The following GRIK4 variants were observed in gnomAD, a reference collection of about 807,000 sequenced individuals.
GRIK4 encodes glutamate receptor ionotropic, kainate 4.
Under a neutral mutation model 104.9 loss-of-function variants are expected in GRIK4, and 40 were observed. The ratio of observed to expected loss-of-function variants is 0.38; its 90% CI spans 0.30 to 0.50. The LOEUF is 0.50. GRIK4 is among the 20% of genes least tolerant of loss of function. GRIK4 has a pLI of 0.93. For synonymous variants in GRIK4, 485 were observed against 524.9 expected (o/e 0.92, Z 1.04); for missense variants, 1,047 against 1,308.1 (o/e 0.80, Z 3.08).
At chr11:120,569,552 G>A (rs1948371620) in intron 1 of GRIK4, among the ~76,000 whole-genome samples, 2 of 152,110 alleles carry the variant, frequency 1.3e-5, no homozygotes, top group Admixed American at 6.5e-5. Flanking sequence ...TCTATATATG[G>A]GTATTCCCTT....
At position 120,660,231 on chromosome 11, in the gene GRIK4, G is replaced by A. The variant is rs1337840509; in HGVS notation, c.-50-38G>A. The A allele has an allele frequency of 3.3e-6, 3 of 897,962 alleles. No individual in the cohort carries two copies. In the African/African-American group the frequency reaches 4.9e-5, roughly 15 times the overall value. The allele number at this position is 897,962 out of a possible 1,614,324, so 55.6% of individuals were successfully genotyped here. ...ATGGTGGGGCAGCTGCCTAGCTGGAGCCTGGGACTCACGTGCCCCCAACCC... is the reference window on the plus strand; with the variant it reads ...ATGGTGGGGCAGCTGCCTAGCTGGAACCTGGGACTCACGTGCCCCCAACCC... On this transcript the variant is annotated intron_variant, in intron 2 of 20. Transcript: ENST00000527524.
At position 120,602,998 on chromosome 11, in the gene GRIK4, C is replaced by T. The variant is rs545015609; in HGVS notation, c.-158-50687C>T. ...GATTACAGGCATGAGCCACCATACCCGGCCAGTGTCTTATTAATATTAGAG... is the reference window on the plus strand; with the variant it reads ...GATTACAGGCATGAGCCACCATACCTGGCCAGTGTCTTATTAATATTAGAG... On this transcript the variant is annotated intron_variant, in intron 1 of 20. Coordinates refer to ENST00000527524, the MANE Select transcript of GRIK4 (RefSeq NM_014619.5). Among the ~76,000 whole-genome samples the T allele has an allele frequency of 9.2e-5, 14 of 152,342 alleles. No individual in the cohort carries two copies. The East Asian group carries it at 1.5e-3, about 17-fold the overall frequency.
At chr11:120,714,517 G>A (rs186445621) in intron 3 of GRIK4, among the ~76,000 whole-genome samples, 101 of 152,280 alleles carry the variant, frequency 6.6e-4, no homozygotes, top group Admixed American at 4.1e-3. Flanking sequence ...CTTAAATCTC[G>A]TGGAGGTTAG....
At position 120,556,468 on chromosome 11, in the gene GRIK4, C is replaced by T. The variant is rs573405488; in HGVS notation, c.-159+44581C>T. ...TCGCAAGGATAACTCCACATGCATC[C>T]GGGAGGCAGCACCTACCTGCCCTCC... On this transcript the variant is annotated intron_variant, in intron 1 of 20. Transcript: ENST00000527524. Among the ~76,000 whole-genome samples, 16 of 152,216 alleles carry T rather than the reference C, an allele frequency of 1.1e-4. No homozygotes were observed. In the East Asian group the frequency reaches 3.1e-3, roughly 29 times the overall value.
intron 1 of GRIK4, among the ~76,000 whole-genome samples, chr11:120,520,972 G>A (rs769030098): frequency 6.6e-6 from 1 of 152,170 alleles, no homozygotes; most frequent in Non-Finnish European, 1.5e-5. Context: ...AGTGGGTTTG[G>A]GCGGGGCACG....
intron 18 of GRIK4, among the ~76,000 whole-genome samples, chr11:120,966,175 G>A (rs989991773): frequency 2.6e-5 from 4 of 152,070 alleles, no homozygotes; most frequent in African/African-American, 4.8e-5. Context: ...AGGAGGGAAG[G>A]AGGACTGGGA....
chr11:120,815,231 G>T, intron 4 of GRIK4, 147 bp from the exon 5 acceptor site: 1 of 584,804 alleles, frequency 1.7e-6, no homozygotes, highest in Non-Finnish European at 3.0e-6. Flanking sequence ...GAGAGACTCT[G>T]GGTTTCGAAG....
chr11:120,926,851 A>G (rs1943357026), intron 13 of GRIK4, among the ~76,000 whole-genome samples: 1 of 152,228 alleles, frequency 6.6e-6, no homozygotes, highest in Admixed American at 6.5e-5. Context: ...GTAAATAAAC[A>G]AGACAATTTC....
intron 1 of GRIK4, among the ~76,000 whole-genome samples, chr11:120,640,245 CAG>C (rs1248712296): frequency 3.9e-5 from 6 of 152,196 alleles, no homozygotes; most frequent in South Asian, 2.1e-4. Context: ...ATAGTAGTAA[CAG>C]GGGTCATTTT....
In GRIK4 at chr11:120,683,635, C is replaced by T. The variant is rs1309851419; in HGVS notation, c.82+23235C>T. 2.6e-5 allele frequency among the ~76,000 whole-genome samples: 4 copies of T among 152,248 alleles called. No individual in the cohort carries two copies. The East Asian group carries it at 7.7e-4, about 29-fold the overall frequency. On this transcript the variant is annotated intron_variant, in intron 3 of 20. Transcript: ENST00000527524. ...GTGGCATGGTGAGCCCAGGACTGAG[C>T]AACCTAAATATTTGCTCAAAAAAGA...
intron 11 of GRIK4, among the ~76,000 whole-genome samples, chr11:120,879,555 T>C (rs1016442401): frequency 6.6e-6 from 1 of 152,264 alleles, no homozygotes; most frequent in Non-Finnish European, 1.5e-5. Flanking sequence ...AGGATTGTTT[T>C]CTACTATTTT....
intron 3 of GRIK4, among the ~76,000 whole-genome samples, chr11:120,717,998 C>CGAAAA (rs1950865949): frequency 6.6e-6 from 1 of 152,134 alleles, no homozygotes; most frequent in African/African-American, 2.4e-5. Flanking sequence ...GAAAAGATTC[C>CGAAAA]GAAAAGAATT....
At chr11:120,569,485 A>G (rs564278492) in intron 1 of GRIK4, among the ~76,000 whole-genome samples, 1 of 152,320 alleles carries the variant, frequency 6.6e-6, no homozygotes, top group South Asian at 2.1e-4. Context: ...CTAAGGCTTC[A>G]AGATGTTTAC....
intron 3 of GRIK4, among the ~76,000 whole-genome samples, chr11:120,700,642 A>G (rs1950536986): frequency 6.6e-6 from 1 of 152,118 alleles, no homozygotes; most frequent in Non-Finnish European, 1.5e-5. Context: ...TATTTTTAGT[A>G]GAGACGGGGT....
intron 11 of GRIK4, among the ~76,000 whole-genome samples, chr11:120,897,768 C>A (rs1416316606): frequency 6.6e-6 from 1 of 151,902 alleles, no homozygotes; most frequent in Non-Finnish European, 1.5e-5. Flanking sequence ...TACATTCTTA[C>A]AATGACCCAA....
At position 120,952,783 on chromosome 11, in the gene GRIK4, C is replaced by A; in HGVS notation, c.1591-72C>A. 2 of 1,027,306 alleles carry A rather than the reference C, an allele frequency of 1.9e-6. No individual in the cohort carries two copies. The highest frequency in any genetic ancestry group is 1.3e-5 in the South Asian group (1 of 79,472). The allele number at this position is 1,027,306 out of a possible 1,614,324, so 63.6% of individuals were successfully genotyped here. On this transcript the variant is annotated intron_variant, in intron 14 of 20. Transcript: ENST00000527524. This position sits in a 1 kb window ranked among gnomAD's most constrained non-coding sequence, Gnocchi z 5.2. ...GACCCACACTCACTACCTCCTCTAC[C>A]CCGCCCTGCCTGCCCCAAGGTCATG... is the stretch of plus-strand genomic sequence containing the variant.
chr11:120,765,311 T>C (rs1951817413), intron 3 of GRIK4, among the ~76,000 whole-genome samples: 1 of 151,940 alleles, frequency 6.6e-6, no homozygotes, highest in Non-Finnish European at 1.5e-5. Flanking sequence ...CTCCATCAGG[T>C]CATTTATGTT....
intron 20 of GRIK4, 77 bp from the exon 21 acceptor site, chr11:120,985,827 C>T (rs1207382352): frequency 6.7e-6 from 9 of 1,341,834 alleles, no homozygotes; most frequent in Non-Finnish European, 9.3e-6. Context: ...CCCCTTCATC[C>T]CTCATCCCAG....
At chr11:120,877,583 A>G (rs1379715899) in intron 11 of GRIK4, among the ~76,000 whole-genome samples, 1 of 152,202 alleles carries the variant, frequency 6.6e-6, no homozygotes, top group Non-Finnish European at 1.5e-5. Context: ...TTGATTGCCT[A>G]TTATGTGCCA....
Sources: allele counts gnomAD v4.1 joint callset (sites outside exome capture counted in the v4.1 genomes callset), GRCh38; gene constraint gnomAD v4.1.1; non-coding constraint Gnocchi (gnomAD v3.1); transcripts MANE v1.5; gene names NCBI Gene and HGNC (gene_info 2026-07-23, HGNC 2026-07-21).